Variants in KLRD1 observed in about 807,000 individuals in gnomAD.
The protein encoded by KLRD1 is killer cell lectin like receptor D1.
In KLRD1, 21 loss-of-function variants were observed where a neutral mutation model predicts 22.6. That is an observed-to-expected ratio of 0.93 (90% CI 0.66 to 1.34). KLRD1 has a LOEUF of 1.34. Ranked by LOEUF, KLRD1 falls within the 40% of genes most tolerant of loss-of-function variation. The pLI, the probability that KLRD1 is intolerant of heterozygous loss-of-function variation, is 0.00. For missense variants in KLRD1, 183 were observed against 208.6 expected, an observed-to-expected ratio of 0.88 and a Z score of 0.76; for synonymous variants, 59 against 71.1, an observed-to-expected ratio of 0.83 and a Z score of 0.85.
At chr12:10,284,722 C>T (rs1439237404) in intron 1 of KLRD1, among the ~76,000 whole-genome samples, 1 of 152,088 alleles carries the variant, frequency 6.6e-6, no homozygotes, top group African/African-American at 2.4e-5. Flanking sequence ...CAGTGGCTCA[C>T]ACCTGTAATC....
chr12:10,266,434 G>C (rs1338788134), intron 1 of KLRD1, among the ~76,000 whole-genome samples: 1 of 151,828 alleles, frequency 6.6e-6, no homozygotes, highest in East Asian at 1.9e-4. Flanking sequence ...TCCTACTTAT[G>C]TATCCTTGGC....
intron 1 of KLRD1, among the ~76,000 whole-genome samples, chr12:10,270,964 A>G: frequency 6.6e-6 from 1 of 152,006 alleles, no homozygotes; most frequent in East Asian, 1.9e-4. Context: ...TTGTATTTTT[A>G]GTAGAGACGA....
intron 1 of KLRD1, among the ~76,000 whole-genome samples, chr12:10,290,685 A>G (rs1199064473): frequency 6.6e-6 from 1 of 152,254 alleles, no homozygotes; most frequent in Admixed American, 6.5e-5. Flanking sequence ...ATTGGTAAAT[A>G]AAGGAAAAGT....
chr12:10,247,047 C>T (rs918511548), intron 1 of KLRD1, among the ~76,000 whole-genome samples: 1 of 151,412 alleles, frequency 6.6e-6, no homozygotes, highest in Non-Finnish European at 1.5e-5. Context: ...ATTCTCCTGC[C>T]TTAGCCTCTC....
chr12:10,261,529 G>A (rs1009117551), intron 1 of KLRD1, among the ~76,000 whole-genome samples: 1 of 152,028 alleles, frequency 6.6e-6, no homozygotes, highest in Non-Finnish European at 1.5e-5. Flanking sequence ...TTTTCTCACT[G>A]TTCCTCTTTA....
chr12:10,305,646 C>T (rs1949910326), upstream of KLRD1, among the ~76,000 whole-genome samples: 1 of 152,086 alleles, frequency 6.6e-6, no homozygotes, highest in African/African-American at 2.4e-5. Context: ...GATGATTATT[C>T]AGCACTTCCG....
chr12:10,251,871 A>G (rs546386450), intron 1 of KLRD1, among the ~76,000 whole-genome samples: 22 of 152,168 alleles, frequency 1.4e-4, no homozygotes, highest in Admixed American at 1.3e-3. Context: ...AATGCCAGCA[A>G]TGGGGAGTGG....
At chr12:10,254,921 A>G (rs1418228193) in intron 1 of KLRD1, among the ~76,000 whole-genome samples, 1 of 149,552 alleles carries the variant, frequency 6.7e-6, no homozygotes, top group Admixed American at 6.6e-5. Context: ...AAAAAAAAGA[A>G]AAGTAGGCAA....
At chr12:10,265,317 A>G (rs1949489155) in intron 1 of KLRD1, among the ~76,000 whole-genome samples, 1 of 152,156 alleles carries the variant, frequency 6.6e-6, no homozygotes, top group Admixed American at 6.5e-5. Context: ...GTTTTGATAT[A>G]TTTACTTCAT....
chr12:10,310,428 A>G (rs1950035662), intron 3 of KLRD1, among the ~76,000 whole-genome samples: 1 of 152,272 alleles, frequency 6.6e-6, no homozygotes, highest in African/African-American at 2.4e-5. Flanking sequence ...GCCCGGCCTC[A>G]ATTTTCTAAA....
intron 1 of KLRD1, among the ~76,000 whole-genome samples, chr12:10,251,351 C>T (rs1490591137): frequency 6.6e-6 from 1 of 152,020 alleles, no homozygotes; most frequent in African/African-American, 2.4e-5. Flanking sequence ...TCTCAAACTC[C>T]TGACCTCAGG....
intron 1 of KLRD1, among the ~76,000 whole-genome samples, chr12:10,290,029 G>A (rs1357631216): frequency 2.0e-5 from 3 of 152,048 alleles, no homozygotes; most frequent in African/African-American, 7.2e-5. Flanking sequence ...CGCCCACCTC[G>A]GCCTCCCAAA....
intron 1 of KLRD1, among the ~76,000 whole-genome samples, chr12:10,287,673 T>C (rs1261513917): frequency 6.6e-6 from 1 of 152,200 alleles, no homozygotes; most frequent in Admixed American, 6.5e-5. Flanking sequence ...ATAAAATATG[T>C]AACTAAAAAT....
intron 1 of KLRD1, among the ~76,000 whole-genome samples, chr12:10,268,799 T>C (rs1016818561): frequency 6.6e-6 from 1 of 152,196 alleles, no homozygotes; most frequent in Non-Finnish European, 1.5e-5. Context: ...TGCTGAAGGC[T>C]CTTATAAATA....
intron 1 of KLRD1, among the ~76,000 whole-genome samples, chr12:10,248,824 C>T (rs1259659500): frequency 6.6e-6 from 1 of 151,968 alleles, no homozygotes; most frequent in Non-Finnish European, 1.5e-5. Context: ...TCTTGAACTC[C>T]TGACCTCAGG....
At position 10,324,591 on chromosome 12, in the gene KLRD1, A is replaced by G. The variant is rs1950342090; in HGVS notation, c.*9798A>G. 1 of 151,798 alleles carries G rather than the reference A, an allele frequency of 6.6e-6. No individual in the cohort carries two copies. The highest frequency in any genetic ancestry group is 6.6e-5 in the Admixed American group (1 of 15,216). The allele number at this position is 151,798 out of a possible 1,614,324, so 9.4% of individuals were successfully genotyped here. On this transcript the variant is annotated 3_prime_UTR_variant, in exon 6 of 6. Transcript: ENST00000336164. ...ATTTTTTTCTTTTTTATGTCTGCAT[A>G]GTATTCCATGGTGTATATGTACCAC... is the stretch of plus-strand genomic sequence containing the variant.
intron 1 of KLRD1, among the ~76,000 whole-genome samples, chr12:10,268,252 A>G (rs1949517470): frequency 6.6e-6 from 1 of 152,192 alleles, no homozygotes. Flanking sequence ...GTGAGATAAC[A>G]CAGGTGGCCC....
upstream of KLRD1, among the ~76,000 whole-genome samples, chr12:10,303,021 ATAAAC>A (rs1299770077): frequency 2.0e-5 from 3 of 152,216 alleles, no homozygotes; most frequent in African/African-American, 7.2e-5. Context: ...AGGTTAAACT[ATAAAC>A]TAAATTCCTC....
chr12:10,329,123 T>C lies in KLRD1; in HGVS notation c.*14330T>C, dbSNP rs890224836. On this transcript the variant is annotated 3_prime_UTR_variant, in exon 6 of 6. Coordinates refer to ENST00000336164, the MANE Select transcript of KLRD1 (RefSeq NM_002262.5). ...TAAAGTGCATTGTTTGAGACCTTTC[T>C]TTTTTCTTAATGCAGATATTCATCA... 6.6e-6 allele frequency: 1 copy of C among 152,212 alleles called. No individual in the cohort carries two copies. The highest frequency in any genetic ancestry group is 2.4e-5 in the African/African-American group (1 of 41,450). 9.4% of individuals were successfully genotyped at this position (152,212 alleles called of 1,614,324 possible).
Sources: gnomAD v4.1 joint callset for allele counts (sites outside exome capture counted in the v4.1 genomes callset) on GRCh38, gnomAD v4.1.1 for gene constraint, MANE v1.5 for transcripts, NCBI Gene and HGNC (gene_info 2026-07-23, HGNC 2026-07-21) for gene names.